PCDHGA4: variants seen among roughly 807,000 people sequenced by gnomAD.
PCDHGA4 encodes the protein protocadherin gamma subfamily A, 4, also known as protocadherin gamma-A4.
A neutral mutation model predicts 54.6 loss-of-function variants in PCDHGA4; 38 were observed. That is an observed-to-expected ratio of 0.70 (90% CI 0.54 to 0.91). The LOEUF is 0.91. Among genes scored for constraint, PCDHGA4 ranks in the 40% least tolerant of loss-of-function variants. PCDHGA4 has a pLI of 0.00. For synonymous variants in PCDHGA4, 511 were observed against 512.9 expected (o/e 1.00, Z 0.05); for missense variants, 1,298 against 1,220.9 (o/e 1.06, Z -0.94).
rs1404153764 is a variant in PCDHGA4 at position 141,364,593 on chromosome 5, G to A, written c.2514+6972G>A. On this transcript the variant is annotated intron_variant, in intron 1 of 3. Transcript: ENST00000571252. ...CGAAGCGGCAGCTTGGTCACCGCGG[G>A]CAGGATAGACCGGGAGGAGCTCTGC... 1.9e-6 allele frequency: 3 copies of A among 1,614,214 alleles called. No homozygotes were observed. The South Asian group carries it at 3.3e-5, about 18-fold the overall frequency.
intron 1 of PCDHGA4, chr5:141,372,083 G>A (rs1381793721): frequency 1.2e-6 from 2 of 1,613,756 alleles, no homozygotes; most frequent in Non-Finnish European, 8.5e-7. Context: ...CGCTGGTGCT[G>A]TACCCAGCTC....
intron 1 of PCDHGA4, chr5:141,393,429 G>GCAA (rs761074463): frequency 2.5e-6 from 4 of 1,613,910 alleles, no homozygotes; most frequent in South Asian, 1.1e-5. Flanking sequence ...GGAGGAAGAG[G>GCAA]CTGCTCACCA....
At chr5:141,419,117 G>A (rs1362880648) in intron 1 of PCDHGA4, 2 of 1,613,836 alleles carry the variant, frequency 1.2e-6, no homozygotes, top group Non-Finnish European at 1.7e-6. Flanking sequence ...AGAGTACAAC[G>A]TCACCATCGC....
At chr5:141,423,772 A>G (rs767998260) in intron 1 of PCDHGA4, 39 of 1,219,850 alleles carry the variant, frequency 3.2e-5, no homozygotes, top group East Asian at 1.6e-4. Context: ...GGGGCGGCAT[A>G]TATTTAGTTC....
At chr5:141,414,161 GA>G (rs1351073953) in intron 1 of PCDHGA4, 1 of 1,603,276 alleles carries the variant, frequency 6.2e-7, no homozygotes, top group Admixed American at 1.7e-5. Context: ...GAAGATGGAG[GA>G]GCATATCTTG....
At chr5:141,413,195 G>T (rs771456948) in intron 1 of PCDHGA4, 1 of 1,610,846 alleles carries the variant, frequency 6.2e-7, no homozygotes, top group South Asian at 1.1e-5. Context: ...CAAAGGAATC[G>T]CTCAAAGGAA....
rs779426857 is a variant in PCDHGA4, at chr5:141,360,094, G to C, written c.2514+2473G>C. The C allele has an allele frequency of 3.3e-6, 5 of 1,522,500 alleles. No homozygotes were observed. The African/African-American group carries it at 4.2e-5, about 13-fold the overall frequency. 94.3% of individuals were successfully genotyped at this position (1,522,500 alleles called of 1,614,324 possible). A position where few individuals can be genotyped will look rare whatever the true frequency, so the allele number is the denominator to read the frequency against. The stretch of plus-strand genomic sequence containing the variant: ...GCCCGGATTCTGCCATCCCCGGAAG[G>C]CTTATTCCTCCTATGGGCAAAGGAG... On this transcript the variant is annotated intron_variant, in intron 1 of 3. Transcript: ENST00000571252.
At chr5:141,420,742 A>G (rs967908996) in intron 1 of PCDHGA4, among the ~76,000 whole-genome samples, 3 of 152,372 alleles carry the variant, frequency 2.0e-5, no homozygotes, top group African/African-American at 7.2e-5. Context: ...AATCAATTGG[A>G]ACCAACTACA....
chr5:141,479,020 T>C (rs961123768), intron 1 of PCDHGA4, among the ~76,000 whole-genome samples: 1 of 152,236 alleles, frequency 6.6e-6, no homozygotes, highest in African/African-American at 2.4e-5. Flanking sequence ...ATAATTTTCC[T>C]TTGTTTATAC....
chr5:141,390,474 C>A, intron 1 of PCDHGA4: 1 of 688,724 alleles, frequency 1.5e-6, no homozygotes, highest in Non-Finnish European at 2.4e-6. Flanking sequence ...TTGTGTGGCC[C>A]AACATTTGTT....
intron 1 of PCDHGA4, among the ~76,000 whole-genome samples, chr5:141,448,877 G>A (rs1421211206): frequency 6.6e-6 from 1 of 152,112 alleles, no homozygotes; most frequent in African/African-American, 2.4e-5. Flanking sequence ...CCTGGGAGGC[G>A]GAGCTTGCAG....
intron 1 of PCDHGA4, among the ~76,000 whole-genome samples, chr5:141,463,177 A>G (rs914982793): frequency 2.6e-5 from 4 of 152,250 alleles, no homozygotes; most frequent in Admixed American, 2.6e-4. Context: ...ATGTATGCTC[A>G]GATTATTATT....
intron 1 of PCDHGA4, among the ~76,000 whole-genome samples, chr5:141,459,742 T>C (rs2098974738): frequency 6.6e-6 from 1 of 152,248 alleles, no homozygotes; most frequent in Non-Finnish European, 1.5e-5. Context: ...TTTTAAATTT[T>C]AGCAATTCTA....
chr5:141,387,669 TCTC>T lies in PCDHGA4; in HGVS notation c.2514+30052_2514+30054del, dbSNP rs61279892. 2,271 of 693,780 alleles carry T rather than the reference TCTC, an allele frequency of 3.3e-3. 45 individuals are homozygous for T. In the African/African-American group the frequency reaches 0.034, roughly 10 times the overall value. 43.0% of individuals were successfully genotyped at this position (693,780 alleles called of 1,614,324 possible). A position where few individuals can be genotyped will look rare whatever the true frequency, so the allele number is the denominator to read the frequency against. ...AAAGTGGAGAGCTTGGCGCTCCAGA[TCTC>T]CTCGCGCAGCCGCAGCGCGCTTTCC... On this transcript the variant is annotated intron_variant, in intron 1 of 3. Coordinates refer to ENST00000571252, the MANE Select transcript of PCDHGA4 (RefSeq NM_018917.4).
intron 1 of PCDHGA4, chr5:141,412,235 A>T (rs2095544372): frequency 6.6e-6 from 1 of 152,260 alleles, no homozygotes. Flanking sequence ...AAAAACCTAT[A>T]TCACTACATC....
Position 141,485,818 on chromosome 5 carries a change from C to A in PCDHGA4, c.2515-8989C>A, listed in dbSNP as rs757848513. The A allele has an allele frequency of 1.2e-6, 2 of 1,613,910 alleles. No individual in the cohort carries two copies. The highest frequency in any genetic ancestry group is 1.7e-6 in the Non-Finnish European group (2 of 1,179,974). On this transcript the variant is annotated intron_variant, in intron 1 of 3. Transcript: ENST00000571252. The surrounding 1 kb of genome is among the most constrained non-coding windows in gnomAD (Gnocchi z 5.7). ...ACTACCGCCTGGTGCTGACTGCTGT[C>A]GATGGAGGGAACCCGCCGAGATCTG...
At chr5:141,495,269 CGGAGGAGGCG>C (rs2099759953) in intron 2 of PCDHGA4, among the ~76,000 whole-genome samples, 1 of 152,180 alleles carries the variant, frequency 6.6e-6, no homozygotes, top group Non-Finnish European at 1.5e-5. Context: ...AGCATTTGAC[CGGAGGAGGCG>C]GTCCGCACTC....
chr5:141,409,055 G>T (rs141881204), intron 1 of PCDHGA4: 10 of 1,614,038 alleles, frequency 6.2e-6, no homozygotes, highest in Non-Finnish European at 8.5e-6. Flanking sequence ...CCGAAGCACT[G>T]CCCAGAGCAC....
At chr5:141,393,124 T>C in intron 1 of PCDHGA4, 2 of 1,613,430 alleles carry the variant, frequency 1.2e-6, no homozygotes. Flanking sequence ...CGGTGTCTGA[T>C]AAATATTAAC....
Sources: allele counts gnomAD v4.1 joint callset (sites outside exome capture counted in the v4.1 genomes callset), GRCh38; gene constraint gnomAD v4.1.1; non-coding constraint Gnocchi (gnomAD v3.1); transcripts MANE v1.5; gene names NCBI Gene and HGNC (gene_info 2026-07-23, HGNC 2026-07-21).